Variants in PRKG1 observed in about 807,000 individuals in gnomAD.
The protein encoded by PRKG1 is protein kinase cGMP-dependent 1.
Under a neutral mutation model 88.1 loss-of-function variants are expected in PRKG1, and 35 were observed. That is an observed-to-expected ratio of 0.40 (90% CI 0.30 to 0.53). PRKG1 has a LOEUF of 0.53. PRKG1 is among the 20% of genes least tolerant of loss of function. PRKG1 has a pLI of 0.59. For missense variants in PRKG1, 540 were observed against 839.8 expected (o/e 0.64, Z 4.41); for synonymous variants, 303 against 292.5 (o/e 1.04, Z -0.37).
chr10:51,498,391 A>G (rs561325048), intron 3 of PRKG1, among the ~76,000 whole-genome samples: 30 of 152,308 alleles, frequency 2.0e-4, no homozygotes, highest in Non-Finnish European at 4.3e-4. Flanking sequence ...TACATTTCTC[A>G]AGAAAAATAG....
chr10:51,218,064 G>A (rs1838416677), intron 2 of PRKG1, among the ~76,000 whole-genome samples: 2 of 152,090 alleles, frequency 1.3e-5, no homozygotes, highest in Admixed American at 6.5e-5. Context: ...TAATGTAAAT[G>A]AACTGTGATA....
At chr10:51,697,920 G>C (rs1841342615) in intron 3 of PRKG1, 3 of 1,602,730 alleles carry the variant, frequency 1.9e-6, no homozygotes. Flanking sequence ...CCTCCTCCTT[G>C]TATACCTCCT....
At chr10:51,170,437 TACAC>T (rs56159895) in intron 2 of PRKG1, among the ~76,000 whole-genome samples, 4,528 of 144,240 alleles carry the variant, frequency 0.031, 197 homozygotes, top group African/African-American at 0.098. Context: ...TGTCTGGGTA[TACAC>T]ACACACACAC....
intron 2 of PRKG1, among the ~76,000 whole-genome samples, chr10:51,382,299 T>G (rs1837127192): frequency 6.6e-6 from 1 of 152,262 alleles, no homozygotes; most frequent in African/African-American, 2.4e-5. Flanking sequence ...CAAAAAGAAT[T>G]TTCTCTTTCA....
chr10:51,483,755 G>C (rs1840441283), intron 3 of PRKG1, among the ~76,000 whole-genome samples: 1 of 152,124 alleles, frequency 6.6e-6, no homozygotes, highest in African/African-American at 2.4e-5. Context: ...TCTTAGTGAT[G>C]ATATATTTGG....
chr10:51,742,547 T>A (rs1173778223), intron 3 of PRKG1, among the ~76,000 whole-genome samples: 2 of 152,156 alleles, frequency 1.3e-5, no homozygotes, highest in Non-Finnish European at 2.9e-5. Flanking sequence ...GGTAAGACCC[T>A]CAGCCATGCT....
Position 51,746,208 on chromosome 10 carries a change from G to A in PRKG1, c.593-58377G>A, listed in dbSNP as rs775290161. On this transcript the variant is annotated intron_variant, in intron 3 of 17. Transcript: ENST00000373980. ...TAGACTATTTAGATTAATACACACT[G>A]TGTGCCATTATTTGGTACTTTGTAC... Among the ~76,000 whole-genome samples the A allele has an allele frequency of 3.0e-4, 46 of 151,760 alleles. 1 individual carries two copies. Among genetic ancestry groups the A allele is most frequent in the Non-Finnish European group, 3.7e-4 (25 of 67,994 alleles).
chr10:51,644,253 A>G (rs7079618), intron 3 of PRKG1, among the ~76,000 whole-genome samples: 1 of 152,020 alleles, frequency 6.6e-6, no homozygotes, highest in Non-Finnish European at 1.5e-5. Context: ...CTCTGGATCA[A>G]GATTCTGTTT....
At chr10:52,128,505 A>G (rs1837163672) in intron 7 of PRKG1, 1 of 985,404 alleles carries the variant, frequency 1.0e-6, no homozygotes, top group Non-Finnish European at 1.2e-6. Context: ...TACAGCGATG[A>G]TGAAGATTCC....
At chr10:52,281,847 G>A (rs553315238) in intron 13 of PRKG1, among the ~76,000 whole-genome samples, 3 of 152,058 alleles carry the variant, frequency 2.0e-5, no homozygotes, top group Admixed American at 2.0e-4. Context: ...GAGATTCTGT[G>A]TTTACACTCC....
intron 9 of PRKG1, among the ~76,000 whole-genome samples, chr10:52,189,738 A>G (rs1415531438): frequency 6.6e-6 from 1 of 152,140 alleles, no homozygotes; most frequent in Non-Finnish European, 1.5e-5. Flanking sequence ...ATTTATTTCC[A>G]TTGCCAGTTA....
Position 51,130,114 on chromosome 10 carries a change from A to C in PRKG1, c.312-23050A>C, listed in dbSNP as rs907870163. Among the ~76,000 whole-genome samples, 4 of 152,194 alleles carry C rather than the reference A, an allele frequency of 2.6e-5. No homozygotes were observed. The East Asian group carries it at 7.7e-4, about 29-fold the overall frequency. The stretch of plus-strand genomic sequence containing the variant: ...GGGGACCTGATTTGTTTAAAACTGA[A>C]GTAAATCAGGGCTTTAGTTACACTA... On this transcript the variant is annotated intron_variant, in intron 1 of 17. Transcript: ENST00000373980.
At chr10:51,095,512 A>G (rs1422194028) in intron 1 of PRKG1, among the ~76,000 whole-genome samples, 2 of 152,140 alleles carry the variant, frequency 1.3e-5, no homozygotes, top group Non-Finnish European at 2.9e-5. Flanking sequence ...ATTTCATTTA[A>G]AATTAATAGC....
At position 51,334,152 on chromosome 10, in the gene PRKG1, TTCTCTCTCTCTCTCTCTC is replaced by T. The variant is rs10568175; in HGVS notation, c.479-133548_479-133531del. Among the ~76,000 whole-genome samples the T allele has an allele frequency of 6.7e-3, 917 of 137,216 alleles. 2 individuals are homozygous for T. Among genetic ancestry groups the T allele is most frequent in the Non-Finnish European group, 8.1e-3 (514 of 63,796 alleles). The allele number at this position is 137,216 out of a possible 152,430, so 90.0% of individuals were successfully genotyped here. A position where few individuals can be genotyped will look rare whatever the true frequency, so the allele number is the denominator to read the frequency against. On this transcript the variant is annotated intron_variant, in intron 2 of 17. Transcript: ENST00000373980. ...GCCCTTCCTTTCTTTCTCTCTCTCT[TTCTCTCTCTCTCTCTCTC>T]TCTCTCTCTCTCTCTCTCTCTCACT...
intron 5 of PRKG1, among the ~76,000 whole-genome samples, chr10:51,988,425 A>G (rs1844219073): frequency 6.6e-6 from 1 of 152,076 alleles, no homozygotes; most frequent in Admixed American, 6.6e-5. Context: ...GCTAGAAATT[A>G]TTAAAGATTT....
chr10:52,200,152 T>G (rs954506977), intron 9 of PRKG1, among the ~76,000 whole-genome samples: 5 of 152,132 alleles, frequency 3.3e-5, no homozygotes, highest in African/African-American at 1.2e-4. Context: ...AATTATTTCA[T>G]CACCCAAGTA....
At chr10:52,073,040 G>A (rs1304928766) in intron 7 of PRKG1, among the ~76,000 whole-genome samples, 1 of 152,170 alleles carries the variant, frequency 6.6e-6, no homozygotes, top group Non-Finnish European at 1.5e-5. Flanking sequence ...GAAGCTCTAG[G>A]GAGGAATCTG....
At chr10:51,892,591 A>G (rs564606314) in intron 4 of PRKG1, among the ~76,000 whole-genome samples, 1 of 152,340 alleles carries the variant, frequency 6.6e-6, no homozygotes, top group African/African-American at 2.4e-5. Flanking sequence ...CAGAACAAAT[A>G]GCAAACTCAC....
At chr10:51,861,028 C>A (rs1394562107) in intron 4 of PRKG1, among the ~76,000 whole-genome samples, 1 of 152,136 alleles carries the variant, frequency 6.6e-6, no homozygotes, top group Non-Finnish European at 1.5e-5. Context: ...ACATGCCTAG[C>A]AAATGAGCTA....
Sources: allele counts gnomAD v4.1 joint callset (sites outside exome capture counted in the v4.1 genomes callset), GRCh38; gene constraint gnomAD v4.1.1; transcripts MANE v1.5; gene names NCBI Gene and HGNC (gene_info 2026-07-23, HGNC 2026-07-21).